The following EMG1 variants were observed in gnomAD, a reference collection of about 807,000 sequenced individuals.
The protein encoded by EMG1 is ribosomal RNA small subunit methyltransferase NEP1.
Under a neutral mutation model 26.9 loss-of-function variants are expected in EMG1, and 24 were observed. That is an observed-to-expected ratio of 0.89 (90% CI 0.65 to 1.26). The LOEUF (loss-of-function observed/expected upper bound fraction) is 1.26. Ranked by LOEUF, EMG1 falls within the 50% of genes most tolerant of loss-of-function variation. The probability of loss-of-function intolerance (pLI) is 0.00; values close to 1 mark genes in which losing one functional copy is unlikely to be tolerated. For missense variants in EMG1, 299 were observed against 307.6 expected (o/e 0.97, Z 0.21); for synonymous variants, 140 against 112.6 (o/e 1.24, Z -1.54).
chr12:6,973,004 A>AT (rs11462026), intron 1 of EMG1, among the ~76,000 whole-genome samples: 40,697 of 137,572 alleles, frequency 0.3, 6,281 homozygotes, highest in Non-Finnish European at 0.34. Flanking sequence ...CGCCTGGCTA[A>AT]TTTTTTTTTT....
Position 6,975,781 on chromosome 12 carries a change from C to T in EMG1, c.707C>T (p.Ala236Val). 6.2e-7 allele frequency: 1 copy of T among 1,611,688 alleles called. No individual in the cohort carries two copies. The highest frequency in any genetic ancestry group is 2.2e-5 in the East Asian group (1 of 44,876). ...AALTCAKLTT[A>V]FEEVWGVI ...CTCACCTGTGCAAAACTTACCACAG[C>T]CTTTGAGGAAGTATGGGGGGTCATT... is the stretch of plus-strand genomic sequence containing the variant. The change falls in exon 6 of 6, where the codon GCC becomes GTC. Residue 236 changes from alanine (A) to valine (V), a missense_variant. Physicochemically the swap from Ala to Val is moderately conservative, Grantham distance 64 (BLOSUM62 0). Transcript: ENST00000599672.
At chr12:6,989,211 A>G (rs1555155170), downstream of EMG1, among the ~76,000 whole-genome samples, 1 of 151,940 alleles carries the variant, frequency 6.6e-6, no homozygotes, top group Non-Finnish European at 1.5e-5. Flanking sequence ...GAAATTTATT[A>G]GCAGGCGAAG....
chr12:6,975,262 G>C lies in EMG1; in HGVS notation c.505G>C (p.Val169Leu), dbSNP rs1555152952. 9 of 1,613,590 alleles carry C rather than the reference G, an allele frequency of 5.6e-6. No individual in the cohort carries two copies. The highest frequency in any genetic ancestry group is 1.3e-5 in the African/African-American group (1 of 74,936). ...IKNPVSDHFP[V>L]GCMKVGTSFS... ...GAATCCAGTATCAGATCACTTTCCA[G>C]TTGGATGTATGAAAGTTGGCACTTC... Residue 169 changes from valine (V) to leucine (L), a missense_variant, in exon 5 of 6, where the codon GTT becomes CTT. Coordinates refer to ENST00000599672, the MANE Select transcript of EMG1 (RefSeq NM_006331.8).
chr12:6,983,063 C>G (rs950478127), downstream of EMG1: 9 of 552,914 alleles, frequency 1.6e-5, no homozygotes, highest in Admixed American at 2.4e-5. Flanking sequence ...CTCACTGCAG[C>G]CTTGAATTCC....
chr12:6,977,620 A>G lies in EMG1; in HGVS notation c.*1811A>G. 1 of 1,614,182 alleles carries G rather than the reference A, an allele frequency of 6.2e-7. No individual in the cohort carries two copies. Among genetic ancestry groups the G allele is most frequent in the Non-Finnish European group, 8.5e-7 (1 of 1,180,034 alleles). The stretch of plus-strand genomic sequence containing the variant: ...TACCTGTCTTTCCACAATAACAATG[A>G]GGAATTCCATCTGGAAGCAGACCAG... On this transcript the variant is annotated 3_prime_UTR_variant, in exon 6 of 6. Transcript: ENST00000599672. This position sits in a 1 kb window ranked among gnomAD's most constrained non-coding sequence, Gnocchi z 4.5.
At chr12:6,983,345 T>C (rs945857249), downstream of EMG1, 5 of 842,930 alleles carry the variant, frequency 5.9e-6, no homozygotes, top group Admixed American at 1.1e-4. Context: ...TCCCTACCTA[T>C]TAGATTCTCT....
At chr12:6,986,301 C>T (rs1289164861) in intron 6 of EMG1, among the ~76,000 whole-genome samples, 1 of 152,194 alleles carries the variant, frequency 6.6e-6, no homozygotes, top group Non-Finnish European at 1.5e-5. Flanking sequence ...TATGCTGATC[C>T]ACTTCCACTG....
Position 6,979,672 on chromosome 12 carries a change from G to C in EMG1, c.*3863G>C. The C allele has an allele frequency of 1.2e-6, 1 of 853,954 alleles. No homozygotes were observed. The highest frequency in any genetic ancestry group is 1.9e-6 in the Non-Finnish European group (1 of 514,742). The allele number at this position is 853,954 out of a possible 1,614,324, so 52.9% of individuals were successfully genotyped here. A position where few individuals can be genotyped will look rare whatever the true frequency, so the allele number is the denominator to read the frequency against. On this transcript the variant is annotated 3_prime_UTR_variant, in exon 6 of 6. Transcript: ENST00000599672. The stretch of plus-strand genomic sequence containing the variant: ...CAGTTATGGAGAGGAGTGTTTAGGG[G>C]TGTGGTTGTCTACCTGGAATGGGAT...
downstream of EMG1, chr12:6,982,582 GGT>G: frequency 9.0e-6 from 8 of 892,808 alleles, no homozygotes; most frequent in Non-Finnish European, 1.4e-5. Context: ...TTAGAAATTA[GGT>G]CTGCTAATTT....
chr12:6,989,461 C>T (rs2138341087), downstream of EMG1, among the ~76,000 whole-genome samples: 1 of 152,072 alleles, frequency 6.6e-6, no homozygotes, highest in East Asian at 1.9e-4. Flanking sequence ...CAGGCGCCCG[C>T]CATCACGCCC....
At chr12:6,995,086 G>A (rs1361238908) in intron 7 of EMG1, among the ~76,000 whole-genome samples, 1 of 149,938 alleles carries the variant, frequency 6.7e-6, no homozygotes, top group Non-Finnish European at 1.5e-5. Context: ...GTATAACTAA[G>A]GCATAAATTT....
intron 1 of EMG1, 149 bp from the exon 2 acceptor site, chr12:6,974,190 G>A (rs906028798): frequency 1.1e-5 from 7 of 638,310 alleles, no homozygotes; most frequent in Non-Finnish European, 2.0e-5. Flanking sequence ...AGTGTTCCTG[G>A]TTTAGTAGGT....
chr12:6,974,946 G>C, intron 3 of EMG1, 144 bp from the exon 4 acceptor site: 2 of 919,434 alleles, frequency 2.2e-6, no homozygotes, highest in Non-Finnish European at 1.7e-6. Flanking sequence ...CTTGGCAACT[G>C]TTTGTTCCTA....
chr12:6,996,132 A>G (rs1946634164), intron 7 of EMG1, among the ~76,000 whole-genome samples: 1 of 151,216 alleles, frequency 6.6e-6, no homozygotes, highest in Non-Finnish European at 1.5e-5. Flanking sequence ...CTGTCCTCTG[A>G]CTCATCTCTC....
downstream of EMG1, chr12:6,982,590 A>C (rs891841031): frequency 9.9e-7 from 1 of 1,005,090 alleles, no homozygotes; most frequent in Admixed American, 2.0e-5. Flanking sequence ...TAGGTCTGCT[A>C]ATTTCTATAC....
At chr12:6,990,781 G>T (rs1946581894), downstream of EMG1, among the ~76,000 whole-genome samples, 1 of 150,976 alleles carries the variant, frequency 6.6e-6, no homozygotes, top group Non-Finnish European at 1.5e-5. Context: ...GCCAGACATG[G>T]TGGCAGGCGC....
At chr12:6,974,478 CTG>C (rs782413775) in intron 2 of EMG1, 38 bp downstream of exon 2, 1 of 1,607,296 alleles carries the variant, frequency 6.2e-7, no homozygotes, top group Non-Finnish European at 8.5e-7. Flanking sequence ...CTTTGAGCCT[CTG>C]TATGGAAGGG....
At chr12:6,974,987 C>A in intron 3 of EMG1, 103 bp from the exon 4 acceptor site, 3 of 1,173,612 alleles carry the variant, frequency 2.6e-6, no homozygotes, top group Non-Finnish European at 3.8e-6. Context: ...AGATATAAAG[C>A]ACACAGGGAA....
At position 6,979,133 on chromosome 12, in the gene EMG1, A is replaced by ATAT. The variant is rs1946442311; in HGVS notation, c.*3325_*3326insATT. On this transcript the variant is annotated 3_prime_UTR_variant, in exon 6 of 6. Transcript: ENST00000599672. ...TTCTGAATTCCCTAGAAGTGCCCAA[A>ATAT]TGTATCAGTCAAGAGAAGAAAATAG... 5.9e-6 allele frequency: 2 copies of ATAT among 336,356 alleles called. No individual in the cohort carries two copies. The highest frequency in any genetic ancestry group is 1.1e-5 in the Non-Finnish European group (2 of 182,598). 20.8% of individuals were successfully genotyped at this position (336,356 alleles called of 1,614,324 possible).
Sources: allele counts gnomAD v4.1 joint callset (sites outside exome capture counted in the v4.1 genomes callset), GRCh38; gene constraint gnomAD v4.1.1; non-coding constraint Gnocchi (gnomAD v3.1); transcripts MANE v1.5; gene names NCBI Gene and HGNC (gene_info 2026-07-23, HGNC 2026-07-21).